Variants in SORBS2 observed in about 807,000 individuals in gnomAD.
SORBS2 encodes the protein sorbin and SH3 domain-containing protein 2.
In SORBS2, 46 loss-of-function variants were observed where a neutral mutation model predicts 97.7. That is an observed-to-expected ratio of 0.47 (90% CI 0.37 to 0.60). The LOEUF (loss-of-function observed/expected upper bound fraction) is 0.60. Ranked by LOEUF, SORBS2 falls within the 20% of genes least tolerant of loss-of-function variation. The probability of loss-of-function intolerance (pLI) is 0.00; values close to 1 mark genes in which losing one functional copy is unlikely to be tolerated. For missense variants in SORBS2, 1,316 were observed against 1,282.3 expected (o/e 1.03, Z -0.40); for synonymous variants, 476 against 473.4 (o/e 1.01, Z -0.07).
chr4:185,777,558 T>C (rs1381456006), intron 1 of SORBS2, among the ~76,000 whole-genome samples: 2 of 152,190 alleles, frequency 1.3e-5, no homozygotes, highest in Non-Finnish European at 2.9e-5. Context: ...GGGATAATAA[T>C]GAGTTGTCAT....
chr4:185,876,675 C>G (rs912810881), intron 1 of SORBS2, among the ~76,000 whole-genome samples: 2 of 152,222 alleles, frequency 1.3e-5, no homozygotes, highest in Non-Finnish European at 2.9e-5. Flanking sequence ...AATGAGCCCT[C>G]TTTTTCTGCC....
intron 2 of SORBS2, among the ~76,000 whole-genome samples, chr4:185,725,143 A>G (rs1448909930): frequency 6.6e-6 from 1 of 152,188 alleles, no homozygotes; most frequent in African/African-American, 2.4e-5. Context: ...AGGCAGATCT[A>G]TTTTTGAGCA....
intron 1 of SORBS2, among the ~76,000 whole-genome samples, chr4:185,952,705 T>G (rs1579652773): frequency 6.6e-6 from 1 of 152,228 alleles, no homozygotes; most frequent in East Asian, 1.9e-4. Context: ...GCGTTAATTT[T>G]GAAGAAAGCC....
rs373348387 is a variant in SORBS2 at position 185,879,452 on chromosome 4, C to A, written c.-338+76744G>T. On this transcript the variant is annotated intron_variant, in intron 1 of 20. Coordinates refer to the SORBS2 transcript ENST00000284776. ...CATTCGGGTTGGTTCCAAGTCTTTG[C>A]TATTGTGAATAGTGCTGCAATAAAC... 9.9e-5 allele frequency among the ~76,000 whole-genome samples: 15 copies of A among 152,258 alleles called. No individual in the cohort carries two copies. The East Asian group carries it at 1.7e-3, about 18-fold the overall frequency.
intron 14 of SORBS2, 114 bp from the exon 27 acceptor site, chr4:185,587,802 T>C (rs2095821375): frequency 1.2e-6 from 1 of 809,910 alleles, no homozygotes; most frequent in East Asian, 2.6e-5. Context: ...CCGAGGGGTT[T>C]GGAAAAGAAG....
intron 2 of SORBS2, among the ~76,000 whole-genome samples, chr4:185,698,366 C>T (rs1284540627): frequency 3.3e-5 from 5 of 152,036 alleles, no homozygotes; most frequent in Admixed American, 6.6e-5. Context: ...GTCCCAGCTA[C>T]GTGGGAGGCT....
At chr4:185,833,880 C>T (rs1349529306) in intron 1 of SORBS2, among the ~76,000 whole-genome samples, 3 of 152,064 alleles carry the variant, frequency 2.0e-5, no homozygotes, top group African/African-American at 4.8e-5. Context: ...GATGTTTTTG[C>T]GTCATATAAA....
At chr4:185,753,994 C>A (rs1421388530) in intron 2 of SORBS2, among the ~76,000 whole-genome samples, 1 of 152,138 alleles carries the variant, frequency 6.6e-6, no homozygotes, top group East Asian at 1.9e-4. Context: ...AAGACACATG[C>A]ACGCATATAT....
At chr4:185,600,220 C>T (rs2096227575) in intron 12 of SORBS2, among the ~76,000 whole-genome samples, 2 of 152,232 alleles carry the variant, frequency 1.3e-5, no homozygotes, top group Admixed American at 1.3e-4. Context: ...ACAGTTTCCA[C>T]ACCACAGGCA....
intron 1 of SORBS2, among the ~76,000 whole-genome samples, chr4:185,874,866 T>TTTTTTTGC (rs1554044752): frequency 3.5e-5 from 4 of 113,444 alleles, no homozygotes; most frequent in Admixed American, 9.6e-5. Context: ...TGATTTTTTT[T>TTTTTTTGC]TTTTTTGCAT....
At chr4:185,617,850 C>A (rs1378376122) in intron 9 of SORBS2, among the ~76,000 whole-genome samples, 1 of 152,200 alleles carries the variant, frequency 6.6e-6, no homozygotes, top group African/African-American at 2.4e-5. Flanking sequence ...GACTTCAATA[C>A]AGGAATCTTT....
chr4:185,829,407 T>C (rs2099203884), intron 1 of SORBS2, among the ~76,000 whole-genome samples: 1 of 152,220 alleles, frequency 6.6e-6, no homozygotes, highest in African/African-American at 2.4e-5. Context: ...TCTTGGTGTA[T>C]ACTAATCTTT....
At chr4:185,768,120 A>T (rs574279245) in intron 2 of SORBS2, among the ~76,000 whole-genome samples, 2 of 152,168 alleles carry the variant, frequency 1.3e-5, no homozygotes, top group East Asian at 3.9e-4. Flanking sequence ...GGGACTTCAC[A>T]TTGCCCATCT....
chr4:185,873,217 T>C (rs949175041), intron 1 of SORBS2, among the ~76,000 whole-genome samples: 12 of 152,252 alleles, frequency 7.9e-5, no homozygotes, highest in Admixed American at 3.3e-4. Context: ...CTTTTATTTT[T>C]AAACTGTTCT....
intron 1 of SORBS2, among the ~76,000 whole-genome samples, chr4:185,836,603 T>A (rs1315496461): frequency 6.8e-6 from 1 of 146,708 alleles, no homozygotes; most frequent in Non-Finnish European, 1.5e-5. Flanking sequence ...TATCCCCGTG[T>A]CACACCGAGC....
intron 2 of SORBS2, among the ~76,000 whole-genome samples, chr4:185,729,138 T>C: frequency 6.6e-6 from 1 of 152,260 alleles, no homozygotes; most frequent in East Asian, 1.9e-4. Flanking sequence ...GGCAGATCTC[T>C]GAGTCATAGA....
At chr4:185,910,698 C>T (rs2099254498) in intron 1 of SORBS2, among the ~76,000 whole-genome samples, 2 of 152,136 alleles carry the variant, frequency 1.3e-5, no homozygotes, top group South Asian at 2.1e-4. Context: ...ACCTCAGCCT[C>T]CTGAGTCGCC....
chr4:185,757,888 T>A (rs1182958093), intron 2 of SORBS2, among the ~76,000 whole-genome samples: 1 of 152,228 alleles, frequency 6.6e-6, no homozygotes, highest in African/African-American at 2.4e-5. Context: ...AGCTTTCCTA[T>A]TTTACTCATA....
At position 185,864,749 on chromosome 4, in the gene SORBS2, A is replaced by G. The variant is rs554134871; in HGVS notation, c.-337-89383T>C. Among the ~76,000 whole-genome samples the G allele has an allele frequency of 2.6e-4, 39 of 152,200 alleles. No individual in the cohort carries two copies. In the South Asian group the frequency reaches 6.8e-3, roughly 27 times the overall value. On this transcript the variant is annotated intron_variant, in intron 1 of 20. Transcript: ENST00000284776. ...AACATGGTGAAACCCTGTCTCTACT[A>G]AAAACACAAAAAATTACCCGGGCAT... is the stretch of plus-strand genomic sequence containing the variant.
Sources: gnomAD v4.1 joint callset for allele counts (sites outside exome capture counted in the v4.1 genomes callset) on GRCh38, gnomAD v4.1.1 for gene constraint, MANE v1.5 for transcripts, NCBI Gene and HGNC (gene_info 2026-07-23, HGNC 2026-07-21) for gene names.